The following ADAMTS16 variants were observed in gnomAD, a reference collection of about 807,000 sequenced individuals.
ADAMTS16 encodes the protein ADAM metallopeptidase with thrombospondin type 1 motif 16.
Under a neutral mutation model 145.8 loss-of-function variants are expected in ADAMTS16, and 94 were observed. That is an observed-to-expected ratio of 0.64 (90% CI 0.55 to 0.77). The LOEUF (loss-of-function observed/expected upper bound fraction) is 0.77. Among genes scored for constraint, ADAMTS16 ranks in the 30% least tolerant of loss-of-function variants. The pLI, the probability that ADAMTS16 is intolerant of heterozygous loss-of-function variation, is 0.00. For synonymous variants in ADAMTS16, 659 were observed against 604.3 expected (o/e 1.09, Z -1.33); for missense variants, 1,585 against 1,591.5 (o/e 1.00, Z 0.07).
At chr5:5,239,426 G>A in intron 15 of ADAMTS16, 152 bp downstream of exon 15, 1 of 1,276,622 alleles carries the variant, frequency 7.8e-7, no homozygotes, top group Non-Finnish European at 1.1e-6. Flanking sequence ...CGAGCCTCTT[G>A]CTTTGATTGG....
Position 5,182,220 on chromosome 5 carries a change from G to C in ADAMTS16, c.678G>C (p.Trp226Cys). The change falls in exon 4 of 23, where the codon TGG becomes TGC. Residue 226 changes from tryptophan to cysteine, a missense_variant. By Grantham distance (215) the Trp-to-Cys change is radical. Transcript: ENST00000274181. ...AGGTCCTGGTGACCTCAAGGACATG[G>C]GAGCTGGCACATCAACCCCTGCACA... The part of the protein sequence containing the change: ...ASEVLVTSRT[W>C]ELAHQPLHSS... 1 of 1,614,178 alleles carries C rather than the reference G, an allele frequency of 6.2e-7. No homozygotes were observed. The highest frequency in any genetic ancestry group is 1.3e-5 in the African/African-American group (1 of 75,046).
intron 18 of ADAMTS16, among the ~76,000 whole-genome samples, chr5:5,276,999 C>G (rs976280820): frequency 2.0e-5 from 3 of 152,142 alleles, no homozygotes; most frequent in Non-Finnish European, 2.9e-5. Flanking sequence ...TTAAAGAAAA[C>G]ATGGCGAAAC....
At chr5:5,201,460 T>C (rs1436397957) in intron 9 of ADAMTS16, among the ~76,000 whole-genome samples, 3 of 126,204 alleles carry the variant, frequency 2.4e-5, no homozygotes, top group Non-Finnish European at 5.1e-5. Flanking sequence ...ATAGGAAAGT[T>C]TGAAATTTGA....
intron 17 of ADAMTS16, among the ~76,000 whole-genome samples, chr5:5,255,883 C>T (rs1737763567): frequency 6.6e-6 from 1 of 152,118 alleles, no homozygotes; most frequent in Admixed American, 6.6e-5. Context: ...TTAAAAATAT[C>T]TGGTTCACTT....
chr5:5,226,683 T>A (rs2913616), intron 11 of ADAMTS16, among the ~76,000 whole-genome samples: 1 of 152,078 alleles, frequency 6.6e-6, no homozygotes, highest in Non-Finnish European at 1.5e-5. Context: ...TGATGGCACC[T>A]CGTCTCCTCT....
intron 18 of ADAMTS16, among the ~76,000 whole-genome samples, chr5:5,276,875 A>AT (rs1369495378): frequency 1.2e-5 from 1 of 84,214 alleles, no homozygotes; most frequent in Non-Finnish European, 2.6e-5. Flanking sequence ...ATGAAGGAAA[A>AT]TGAAAAAAAA....
intron 11 of ADAMTS16, among the ~76,000 whole-genome samples, chr5:5,224,402 G>T (rs1220869558): frequency 6.6e-6 from 1 of 152,098 alleles, no homozygotes. Context: ...CAATTCTCCT[G>T]CCTCAGCCTC....
chr5:5,198,883 C>T (rs7446660), intron 8 of ADAMTS16, among the ~76,000 whole-genome samples: 108,916 of 152,018 alleles, frequency 0.72, 39,401 homozygotes, highest in East Asian at 0.85. Context: ...CATAATGTCC[C>T]ACATAAATAG....
At chr5:5,209,300 T>A (rs1215462063) in intron 10 of ADAMTS16, 54 bp downstream of exon 10, 25 of 1,592,610 alleles carry the variant, frequency 1.6e-5, no homozygotes, top group Non-Finnish European at 2.1e-5. Context: ...GACTGTTTTA[T>A]TTAGTGTAAC....
chr5:5,307,331 G>A (rs1740218758), intron 21 of ADAMTS16, among the ~76,000 whole-genome samples: 1 of 152,198 alleles, frequency 6.6e-6, no homozygotes. Flanking sequence ...CGTGTGCACT[G>A]GCTTGTGGCT....
chr5:5,162,767 G>C lies in ADAMTS16; in HGVS notation c.501+16312G>C, dbSNP rs542124247. 5.0e-3 allele frequency among the ~76,000 whole-genome samples: 763 copies of C among 151,708 alleles called. 5 individuals carry two copies. The highest frequency in any genetic ancestry group is 0.01 in the Middle Eastern group (3 of 294). ...GAGGAGAAGAGAAGAGAAGAGAGGA[G>C]AGGAGAGGAGAGGAGAGGAGAGGAA... On this transcript the variant is annotated intron_variant, in intron 3 of 22. Coordinates refer to ENST00000274181, the MANE Select transcript of ADAMTS16 (RefSeq NM_139056.4).
intron 2 of ADAMTS16, 151 bp downstream of exon 2, chr5:5,140,917 T>C (rs897804951): frequency 2.7e-6 from 2 of 742,072 alleles, no homozygotes; most frequent in South Asian, 2.3e-5. Flanking sequence ...TTTAACTGTA[T>C]GAGCGAGCCC....
chr5:5,297,465 A>T (rs900790681), intron 18 of ADAMTS16, among the ~76,000 whole-genome samples: 2 of 152,214 alleles, frequency 1.3e-5, no homozygotes, highest in Admixed American at 6.5e-5. Flanking sequence ...AGTGTTCTGC[A>T]GAGGAAACCC....
In ADAMTS16 at chr5:5,186,100, A is replaced by T; in HGVS notation, c.812A>T (p.Tyr271Phe). Residue 271 changes from tyrosine (Y) to phenylalanine (F), a missense_variant, in exon 5 of 23, where the codon TAT becomes TTT. By Grantham distance (22) the Tyr-to-Phe change is conservative. This residue lies in a region of ADAMTS16 where 453 missense variants were observed against 412.1 expected (regional missense o/e 1.10). Transcript: ENST00000274181. Reference sequence around the variant, plus strand: ...GACCTCTTCATCTTGCCAGATGAGTATAAGTCTTGCTTACGGCATAAGCGC... The same window carrying T: ...GACCTCTTCATCTTGCCAGATGAGTTTAAGTCTTGCTTACGGCATAAGCGC... ...KEDLFILPDE[Y>F]KSCLRHKRSL... 6.2e-7 allele frequency: 1 copy of T among 1,614,102 alleles called. No individual in the cohort carries two copies. Among genetic ancestry groups the T allele is most frequent in the East Asian group, 2.2e-5 (1 of 44,864 alleles).
chr5:5,225,423 T>C (rs1037534790), intron 11 of ADAMTS16, among the ~76,000 whole-genome samples: 2 of 152,086 alleles, frequency 1.3e-5, no homozygotes, highest in Non-Finnish European at 2.9e-5. Context: ...GCCAACACGG[T>C]GAAACCCTGT....
intron 17 of ADAMTS16, among the ~76,000 whole-genome samples, chr5:5,259,237 G>A (rs1737908591): frequency 6.6e-6 from 1 of 152,178 alleles, no homozygotes; most frequent in Non-Finnish European, 1.5e-5. Flanking sequence ...TCTCTGGCCT[G>A]CTGAGTCCCA....
At chr5:5,244,891 G>T (rs1228093685) in intron 17 of ADAMTS16, among the ~76,000 whole-genome samples, 1 of 152,136 alleles carries the variant, frequency 6.6e-6, no homozygotes, top group Non-Finnish European at 1.5e-5. Flanking sequence ...ATCTTCTTCA[G>T]TTCTGGTATT....
chr5:5,189,342 C>A (rs558327845), intron 6 of ADAMTS16, among the ~76,000 whole-genome samples: 2 of 152,170 alleles, frequency 1.3e-5, no homozygotes, highest in African/African-American at 4.8e-5. Context: ...GTTACTTCAT[C>A]GTTGCGTTAT....
intron 3 of ADAMTS16, among the ~76,000 whole-genome samples, chr5:5,168,849 TA>T (rs1164017346): frequency 6.7e-6 from 1 of 150,272 alleles, no homozygotes; most frequent in Non-Finnish European, 1.5e-5. Context: ...TTTGATCTAG[TA>T]GTTACTGATT....
Sources: allele counts gnomAD v4.1 joint callset (sites outside exome capture counted in the v4.1 genomes callset), GRCh38; gene constraint gnomAD v4.1.1; regional missense constraint gnomAD v4.1.1; transcripts MANE v1.5; gene names NCBI Gene and HGNC (gene_info 2026-07-23, HGNC 2026-07-21).